Variants in RBFOX1 observed in about 807,000 individuals in gnomAD.
RBFOX1 encodes RNA binding fox-1 homolog 1.
RBFOX1 carries 8 observed loss-of-function variants against 57.7 expected under a neutral mutation model. That is an observed-to-expected ratio of 0.14 (90% CI 0.08 to 0.25). The LOEUF is 0.25. Ranked by LOEUF, RBFOX1 falls within the 10% of genes least tolerant of loss-of-function variation. RBFOX1 has a pLI of 1.00. For synonymous variants in RBFOX1, 326 were observed against 222.4 expected, an observed-to-expected ratio of 1.47 and a Z score of -4.15; for missense variants, 611 against 548.5, an observed-to-expected ratio of 1.11 and a Z score of -1.14.
chr16:6,445,039 G>T (rs2094457355), intron 2 of RBFOX1, among the ~76,000 whole-genome samples: 1 of 152,092 alleles, frequency 6.6e-6, no homozygotes, highest in African/African-American at 2.4e-5. Flanking sequence ...ATGAGACCCT[G>T]TTGAGGTGGA....
intron 3 of RBFOX1, among the ~76,000 whole-genome samples, chr16:6,727,349 ACTAT>A (rs1259294328): frequency 2.0e-5 from 3 of 152,126 alleles, no homozygotes; most frequent in Non-Finnish European, 4.4e-5. Context: ...CCTAATAGAA[ACTAT>A]CTAAAGAATA....
chr16:7,298,671 C>A (rs934448931), intron 4 of RBFOX1, among the ~76,000 whole-genome samples: 5 of 152,122 alleles, frequency 3.3e-5, no homozygotes, highest in African/African-American at 9.7e-5. Flanking sequence ...TGGATTAAAA[C>A]GTATTTTGTA....
intron 2 of RBFOX1, among the ~76,000 whole-genome samples, chr16:5,525,686 C>T (rs1445457471): frequency 4.0e-5 from 6 of 151,750 alleles, no homozygotes. Context: ...TTAGTACAGA[C>T]AGGGTTTCGT....
intron 3 of RBFOX1, among the ~76,000 whole-genome samples, chr16:5,641,951 G>C (rs1401377847): frequency 6.6e-6 from 1 of 152,172 alleles, no homozygotes; most frequent in Non-Finnish European, 1.5e-5. Flanking sequence ...TGCAGATTCA[G>C]TTTCTACAGG....
chr16:5,878,274 C>T (rs2057667863), intron 4 of RBFOX1, among the ~76,000 whole-genome samples: 2 of 152,080 alleles, frequency 1.3e-5, no homozygotes, highest in Non-Finnish European at 2.9e-5. Context: ...TGAGAACAGC[C>T]AGCAGTTATT....
At chr16:6,264,065 A>G (rs2152646124) in intron 1 of RBFOX1, among the ~76,000 whole-genome samples, 1 of 152,208 alleles carries the variant, frequency 6.6e-6, no homozygotes, top group African/African-American at 2.4e-5. Context: ...TGCAATGGGG[A>G]TTCGATAACC....
chr16:5,309,303 G>C (rs936651363), intron 1 of RBFOX1, among the ~76,000 whole-genome samples: 8 of 152,002 alleles, frequency 5.3e-5, no homozygotes, highest in African/African-American at 1.7e-4. Flanking sequence ...CTTTCTCTCT[G>C]TATTATTTTT....
At chr16:6,851,438 T>C (rs1023038243) in intron 3 of RBFOX1, among the ~76,000 whole-genome samples, 3 of 152,238 alleles carry the variant, frequency 2.0e-5, no homozygotes, top group Admixed American at 6.5e-5. Context: ...TTAAATTACA[T>C]GTGAATCTAC....
intron 3 of RBFOX1, among the ~76,000 whole-genome samples, chr16:6,928,222 A>C (rs1312876950): frequency 1.3e-5 from 2 of 152,282 alleles, no homozygotes; most frequent in South Asian, 2.1e-4. Flanking sequence ...ACTGCCCCCG[A>C]AGATTCTGAT....
intron 1 of RBFOX1, among the ~76,000 whole-genome samples, chr16:6,117,339 C>T (rs1273532550): frequency 6.6e-6 from 1 of 152,218 alleles, no homozygotes; most frequent in Non-Finnish European, 1.5e-5. Context: ...GCTTCACCTT[C>T]GTTTCCAAGT....
intron 4 of RBFOX1, among the ~76,000 whole-genome samples, chr16:7,283,617 C>T (rs528271576): frequency 1.3e-5 from 2 of 152,192 alleles, no homozygotes; most frequent in South Asian, 2.1e-4. Context: ...TCAGCCTCAC[C>T]GTCCTCAGAA....
intron 2 of RBFOX1, among the ~76,000 whole-genome samples, chr16:6,344,407 C>CTTTCTTTTTTTT (rs1555635139): frequency 9.1e-6 from 1 of 109,846 alleles, no homozygotes; most frequent in African/African-American, 4.4e-5. Flanking sequence ...TCTTTTTTTT[C>CTTTCTTTTTTTT]TTTTTTTTTT....
intron 2 of RBFOX1, among the ~76,000 whole-genome samples, chr16:5,549,267 A>G (rs541088576): frequency 2.6e-5 from 4 of 152,216 alleles, no homozygotes; most frequent in African/African-American, 7.2e-5. Flanking sequence ...TGGTCTGCAG[A>G]TACTTCTGTC....
At chr16:5,450,193 C>T (rs942203763) in intron 1 of RBFOX1, among the ~76,000 whole-genome samples, 2 of 152,168 alleles carry the variant, frequency 1.3e-5, no homozygotes, top group Non-Finnish European at 2.9e-5. Context: ...TGTGAATTTC[C>T]AGCCTGTGGC....
At chr16:5,979,976 A>G (rs1379795569) in intron 4 of RBFOX1, among the ~76,000 whole-genome samples, 1 of 152,200 alleles carries the variant, frequency 6.6e-6, no homozygotes, top group Non-Finnish European at 1.5e-5. Flanking sequence ...ACAGTCTGAC[A>G]CCAGAGTCCA....
intron 1 of RBFOX1, among the ~76,000 whole-genome samples, chr16:6,205,860 A>C (rs1362054900): frequency 1.0e-5 from 1 of 96,016 alleles, no homozygotes; most frequent in African/African-American, 4.1e-5. Flanking sequence ...CTACGAGATC[A>C]TACTTTTTTT....
At chr16:6,908,421 T>C (rs1020510405) in intron 3 of RBFOX1, among the ~76,000 whole-genome samples, 1 of 146,166 alleles carries the variant, frequency 6.8e-6, no homozygotes, top group Non-Finnish European at 1.6e-5. Flanking sequence ...CTTTGACTTT[T>C]CCACTGATAC....
chr16:5,669,036 G>A (rs951985107), intron 3 of RBFOX1, among the ~76,000 whole-genome samples: 5 of 152,162 alleles, frequency 3.3e-5, no homozygotes. Flanking sequence ...CATTGGTACT[G>A]TCTGAGCACC....
chr16:6,456,092 TC>T (rs2153055011), intron 2 of RBFOX1, among the ~76,000 whole-genome samples: 1 of 152,342 alleles, frequency 6.6e-6, no homozygotes, highest in Non-Finnish European at 1.5e-5. Flanking sequence ...ATTGCTTTCT[TC>T]TTTCAACAAT....
Sources: allele counts gnomAD v4.1 joint callset (sites outside exome capture counted in the v4.1 genomes callset), GRCh38; gene constraint gnomAD v4.1.1; transcripts MANE v1.5; gene names NCBI Gene and HGNC (gene_info 2026-07-23, HGNC 2026-07-21).